IL22RA2: variants seen among roughly 807,000 people sequenced by gnomAD.
IL22RA2 encodes interleukin 22 receptor subunit alpha 2.
Under a neutral mutation model 30.7 loss-of-function variants are expected in IL22RA2, and 39 were observed. That is an observed-to-expected ratio of 1.27 (90% CI 0.98 to 1.66). The LOEUF is 1.66. IL22RA2 is among the 40% of genes most tolerant of loss of function. The pLI is 0.00. For synonymous variants in IL22RA2, 103 were observed against 105.0 expected (o/e 0.98, Z 0.11); for missense variants, 315 against 312.7 (o/e 1.01, Z -0.05).
In IL22RA2 at chr6:137,145,601, T is replaced by C. The variant is rs369662984; in HGVS notation, c.*23A>G. On this transcript the variant is annotated 3_prime_UTR_variant, in exon 7 of 7. Coordinates refer to ENST00000296980, the MANE Select transcript of IL22RA2 (RefSeq NM_052962.3). ...TCAGGGAGCTTTAGAATTTCCACAT[T>C]GCTGAATGCCAAATTCCACAAGTCA... is the stretch of plus-strand genomic sequence containing the variant. 2.5e-6 allele frequency: 4 copies of C among 1,591,352 alleles called. No homozygotes were observed. In the African/African-American group the frequency reaches 5.4e-5, roughly 21 times the overall value.
rs1441956556 is a variant in IL22RA2, at chr6:137,161,772, G to A, written c.-23C>T. ...CATGGTTGCAAGTGTGACTGTTCAG[G>A]CAACCAGTGTTCCTTTTAACCAGCT... On this transcript the variant is annotated 5_prime_UTR_variant, in exon 2 of 7. Coordinates refer to ENST00000296980, the MANE Select transcript of IL22RA2 (RefSeq NM_052962.3). 1.2e-6 allele frequency: 2 copies of A among 1,604,932 alleles called. No individual in the cohort carries two copies. The highest frequency in any genetic ancestry group is 2.2e-5 in the East Asian group (1 of 44,606).
intron 1 of IL22RA2, among the ~76,000 whole-genome samples, chr6:137,170,719 C>T (rs578025686): frequency 4.5e-4 from 69 of 152,090 alleles, no homozygotes; most frequent in African/African-American, 1.3e-3. Flanking sequence ...TTGATCATCC[C>T]GCAACAGACC....
At chr6:137,157,013 A>T (rs1217297071) in intron 3 of IL22RA2, among the ~76,000 whole-genome samples, 159 bp from the exon 4 acceptor site, 1 of 152,196 alleles carries the variant, frequency 6.6e-6, no homozygotes, top group African/African-American at 2.4e-5. Context: ...GTACCAAGCC[A>T]TTCATGAGTG....
chr6:137,152,264 T>C (rs1778306960), intron 5 of IL22RA2, among the ~76,000 whole-genome samples: 1 of 152,088 alleles, frequency 6.6e-6, no homozygotes, highest in Admixed American at 6.6e-5. Flanking sequence ...TCAAAAATTT[T>C]TACATGACTG....
intron 1 of IL22RA2, among the ~76,000 whole-genome samples, chr6:137,167,253 C>T (rs536737368): frequency 6.6e-6 from 1 of 152,140 alleles, no homozygotes; most frequent in Non-Finnish European, 1.5e-5. Context: ...ACCGGACACT[C>T]AAACAGCCGT....
intron 2 of IL22RA2, among the ~76,000 whole-genome samples, chr6:137,160,081 A>G (rs1778490544): frequency 6.6e-6 from 1 of 152,236 alleles, no homozygotes; most frequent in African/African-American, 2.4e-5. Context: ...TTTGCTCACA[A>G]AAATCACTGC....
Position 137,150,392 on chromosome 6 carries a change from TTTC to T in IL22RA2, c.473-2504_473-2502del, listed in dbSNP as rs373915690. ...ACAAGAGTAGTAGCTATAGACTGGG[TTTC>T]TTATTCTTCTACTAAGAGGCCCCGA... On this transcript the variant is annotated intron_variant, in intron 5 of 6. Transcript: ENST00000296980. Among the ~76,000 whole-genome samples, 1,254 of 152,184 alleles carry T rather than the reference TTTC, an allele frequency of 8.2e-3. 30 individuals carry two copies. Among genetic ancestry groups the T allele is most frequent in the African/African-American group, 0.029 (1,186 of 41,520 alleles).
intron 1 of IL22RA2, among the ~76,000 whole-genome samples, chr6:137,166,003 G>A (rs765887452): frequency 3.3e-5 from 5 of 152,148 alleles, no homozygotes; most frequent in Non-Finnish European, 5.9e-5. Flanking sequence ...TAGAATGGGC[G>A]GAGCATGGAA....
At chr6:137,169,651 G>A (rs1298228929) in intron 1 of IL22RA2, among the ~76,000 whole-genome samples, 2 of 152,192 alleles carry the variant, frequency 1.3e-5, no homozygotes, top group East Asian at 3.8e-4. Context: ...GGGTCATGGG[G>A]ATACTGTACT....
In IL22RA2 at chr6:137,145,664, C is replaced by A; in HGVS notation, c.752G>T (p.Arg251Ile). 1.9e-6 allele frequency: 3 copies of A among 1,612,084 alleles called. No individual in the cohort carries two copies. Among genetic ancestry groups the A allele is most frequent in the Non-Finnish European group, 2.5e-6 (3 of 1,179,160 alleles). The change falls in exon 7 of 7, where the codon AGA becomes ATA. Residue 251 changes from arginine (R) to isoleucine (I), a missense_variant. Arg to Ile is a moderately conservative substitution (Grantham distance 97, BLOSUM62 -3). Coordinates refer to ENST00000296980, the MANE Select transcript of IL22RA2 (RefSeq NM_052962.3). ...ACATCTCTCTTCACTTCTCTGACTT[C>A]TTCTGTCTAACATGGGCTGATATAT... is the stretch of plus-strand genomic sequence containing the variant. ...AEIYQPMLDR[R>I]SQRSEERCVE...
At chr6:137,161,078 C>T (rs1778511674) in intron 2 of IL22RA2, among the ~76,000 whole-genome samples, 1 of 152,194 alleles carries the variant, frequency 6.6e-6, no homozygotes, top group Admixed American at 6.5e-5. Context: ...GCAGTTTCCT[C>T]CACGAATACC....
Position 137,144,876 on chromosome 6 carries a change from A to G in IL22RA2, c.*748T>C, listed in dbSNP as rs1778141953. 3 of 152,212 alleles carry G rather than the reference A, an allele frequency of 2.0e-5. No individual in the cohort carries two copies. Among genetic ancestry groups the G allele is most frequent in the Admixed American group, 2.0e-4 (3 of 15,276 alleles). The allele number at this position is 152,212 out of a possible 1,614,324, so 9.4% of individuals were successfully genotyped here. On this transcript the variant is annotated 3_prime_UTR_variant, in exon 7 of 7. Coordinates refer to ENST00000296980, the MANE Select transcript of IL22RA2 (RefSeq NM_052962.3). ...ATAAGTTCTTCTAAGACAGGATTAA[A>G]AACTAAACAAAACAAAAACAAACAG...
In IL22RA2 at chr6:137,155,090, T is replaced by C; in HGVS notation, c.323A>G (p.Glu108Gly). The C allele has an allele frequency of 2.5e-6, 4 of 1,596,088 alleles. No individual in the cohort carries two copies. Among genetic ancestry groups the C allele is most frequent in the Non-Finnish European group, 2.6e-6 (3 of 1,170,456 alleles). The change falls in exon 5 of 7, where the codon GAA becomes GGA. Residue 108 changes from glutamate to glycine, a missense_variant. Transcript: ENST00000296980. ...GAGTTCTTGAGTACCCCAACAGTCTTCTTTATTTTTCCATTGTCTCTGTCC... is the reference window on the plus strand; with the variant it reads ...GAGTTCTTGAGTACCCCAACAGTCTCCTTTATTTTTCCATTGTCTCTGTCC... ...KYGQRQWKNK[E>G]DCWGTQELSC... is the part of the protein sequence containing the mutation.
intron 6 of IL22RA2, 141 bp from the exon 7 acceptor site, chr6:137,145,914 C>G: frequency 2.3e-6 from 2 of 874,900 alleles, no homozygotes; most frequent in Non-Finnish European, 3.6e-6. Context: ...TCCTTCTTTT[C>G]TAGAGTCCTA....
At chr6:137,149,544 T>A (rs1778245228) in intron 5 of IL22RA2, among the ~76,000 whole-genome samples, 1 of 152,158 alleles carries the variant, frequency 6.6e-6, no homozygotes, top group Non-Finnish European at 1.5e-5. Context: ...TTACTAAATG[T>A]CCCTCCAGGA....
At chr6:137,156,197 T>C (rs1261165570) in intron 4 of IL22RA2, among the ~76,000 whole-genome samples, 2 of 152,200 alleles carry the variant, frequency 1.3e-5, no homozygotes. Context: ...AAAGGGAAGA[T>C]TCACGCTTTG....
intron 5 of IL22RA2, among the ~76,000 whole-genome samples, chr6:137,150,935 T>C (rs1778276585): frequency 6.6e-6 from 1 of 152,190 alleles, no homozygotes; most frequent in Non-Finnish European, 1.5e-5. Context: ...CTAATTAATT[T>C]GGATCTCACT....
chr6:137,154,038 TTCTC>T (rs201919164), intron 5 of IL22RA2, among the ~76,000 whole-genome samples: 2 of 151,418 alleles, frequency 1.3e-5, no homozygotes, highest in African/African-American at 2.4e-5. Context: ...ATTAAACCCC[TTCTC>T]TCTCTCTCTC....
At chr6:137,153,399 A>C (rs1231600966) in intron 5 of IL22RA2, among the ~76,000 whole-genome samples, 1 of 152,190 alleles carries the variant, frequency 6.6e-6, no homozygotes, top group Admixed American at 6.5e-5. Flanking sequence ...TAAATGCTTC[A>C]CTAAGCCTAG....
Sources: gnomAD v4.1 joint callset for allele counts (sites outside exome capture counted in the v4.1 genomes callset) on GRCh38, gnomAD v4.1.1 for gene constraint, MANE v1.5 for transcripts, NCBI Gene and HGNC (gene_info 2026-07-23, HGNC 2026-07-21) for gene names.